The following IL34 variants were observed in gnomAD, a reference collection of about 807,000 sequenced individuals.
IL34 encodes the protein interleukin-34.
A neutral mutation model predicts 25.3 loss-of-function variants in IL34; 17 were observed. The observed-to-expected ratio is 0.67, with a 90% CI of 0.46 to 1.01. The LOEUF (loss-of-function observed/expected upper bound fraction) is 1.01. IL34 is among the 50% of genes least tolerant of loss of function. The probability of loss-of-function intolerance (pLI) is 0.00; values close to 1 mark genes in which losing one functional copy is unlikely to be tolerated. For missense variants in IL34, 368 were observed against 312.9 expected (o/e 1.18, Z -1.33); for synonymous variants, 174 against 140.9 (o/e 1.23, Z -1.66).
At chr16:70,638,467 A>G (rs80118932) in intron 1 of IL34, among the ~76,000 whole-genome samples, 4,250 of 152,150 alleles carry the variant, frequency 0.028, 241 homozygotes, top group African/African-American at 0.098. Flanking sequence ...GAAAAAAAGA[A>G]AAGAACTGGA....
chr16:70,623,974 C>T (rs945753480), intron 1 of IL34, among the ~76,000 whole-genome samples: 2 of 146,078 alleles, frequency 1.4e-5, no homozygotes, highest in Non-Finnish European at 3.0e-5. Flanking sequence ...ACGGACTTAC[C>T]TTCCACTGTG....
intron 1 of IL34, among the ~76,000 whole-genome samples, chr16:70,590,190 C>A (rs868371252): frequency 2.0e-5 from 3 of 152,152 alleles, no homozygotes; most frequent in Non-Finnish European, 2.9e-5. Flanking sequence ...TTCCTGGAGC[C>A]GTGATGGGGC....
chr16:70,648,298 G>C (rs770500022), intron 1 of IL34, among the ~76,000 whole-genome samples: 1 of 152,162 alleles, frequency 6.6e-6, no homozygotes, highest in South Asian at 2.1e-4. Context: ...GCTCACGCCC[G>C]TGATCCCAGC....
chr16:70,659,911 G>A, intron 5 of IL34, 86 bp from the exon 6 acceptor site: 1 of 1,482,984 alleles, frequency 6.7e-7, no homozygotes, highest in East Asian at 2.3e-5. Flanking sequence ...GGTAGAGTGG[G>A]GGACAAGCAC....
chr16:70,623,489 G>A (rs939685202), intron 1 of IL34, among the ~76,000 whole-genome samples: 6 of 152,172 alleles, frequency 3.9e-5, no homozygotes, highest in African/African-American at 1.4e-4. Flanking sequence ...TGTAGCAGGC[G>A]AGTGATAACA....
intron 1 of IL34, among the ~76,000 whole-genome samples, chr16:70,585,081 C>G (rs1448633493): frequency 6.6e-6 from 1 of 152,104 alleles, no homozygotes; most frequent in Non-Finnish European, 1.5e-5. Flanking sequence ...CAAACAGAAA[C>G]TCTCTATTAA....
At chr16:70,630,500 G>A (rs987240571) in intron 1 of IL34, among the ~76,000 whole-genome samples, 2 of 151,894 alleles carry the variant, frequency 1.3e-5, no homozygotes, top group Non-Finnish European at 2.9e-5. Context: ...CCAAAGTGCT[G>A]GGATTACAGG....
In IL34 at chr16:70,580,752, G is replaced by A. The variant is rs966792462; in HGVS notation, c.-401+703G>A. Among the ~76,000 whole-genome samples, 13 of 149,808 alleles carry A rather than the reference G, an allele frequency of 8.7e-5. No homozygotes were observed. The South Asian group carries it at 2.5e-3, about 29-fold the overall frequency. ...GCCGAGATCACACCACTGCACTCCA[G>A]CCTGGGTAACAGAGTGAGACTATGT... is the stretch of plus-strand genomic sequence containing the variant. On this transcript the variant is annotated intron_variant, in intron 1 of 6. Coordinates refer to the IL34 transcript ENST00000429149.
intron 3 of IL34, 73 bp downstream of exon 3, chr16:70,656,752 G>A (rs1380262528): frequency 2.6e-5 from 25 of 960,128 alleles, no homozygotes; most frequent in South Asian, 1.4e-4. Context: ...TCAGAGGCGC[G>A]CTGGGACTGG....
chr16:70,590,340 T>C (rs1403179860), intron 1 of IL34, among the ~76,000 whole-genome samples: 2 of 152,176 alleles, frequency 1.3e-5, no homozygotes, highest in Non-Finnish European at 2.9e-5. Flanking sequence ...TGATCAGAGA[T>C]GTCTGCATGA....
intron 1 of IL34, among the ~76,000 whole-genome samples, chr16:70,633,841 C>G (rs2051575395): frequency 6.6e-6 from 1 of 151,860 alleles, no homozygotes; most frequent in Non-Finnish European, 1.5e-5. Flanking sequence ...ACGTGGTCTT[C>G]TCCCTGAGTC....
chr16:70,633,303 G>C (rs1390845708), intron 1 of IL34, among the ~76,000 whole-genome samples: 1 of 151,350 alleles, frequency 6.6e-6, no homozygotes, highest in Non-Finnish European at 1.5e-5. Flanking sequence ...GCTCATGCTG[G>C]AGTGCAGTGA....
intron 1 of IL34, among the ~76,000 whole-genome samples, chr16:70,629,685 A>G (rs1480454712): frequency 6.6e-6 from 1 of 151,602 alleles, no homozygotes; most frequent in Non-Finnish European, 1.5e-5. Context: ...ATCATTGTAG[A>G]CCTCACTACA....
In IL34 at chr16:70,620,454, A is replaced by G. The variant is rs201333265; in HGVS notation, c.-400-26094A>G. 0.019 allele frequency among the ~76,000 whole-genome samples: 1,505 copies of G among 80,608 alleles called. 142 individuals are homozygous for G. In the East Asian group the frequency reaches 0.3, roughly 16 times the overall value. The allele number at this position is 80,608 out of a possible 152,430, so 52.9% of individuals were successfully genotyped here. A position where few individuals can be genotyped will look rare whatever the true frequency, so the allele number is the denominator to read the frequency against. ...GGTGTGAGGAGGGGAGGTGATAAAAAGATAGGGTGGAGGAGCGGAGGCTGA... is the reference window on the plus strand; with the variant it reads ...GGTGTGAGGAGGGGAGGTGATAAAAGGATAGGGTGGAGGAGCGGAGGCTGA... On this transcript the variant is annotated intron_variant, in intron 1 of 6. Transcript: ENST00000429149.
intron 1 of IL34, among the ~76,000 whole-genome samples, chr16:70,640,139 T>C (rs1219916494): frequency 6.6e-6 from 1 of 152,146 alleles, no homozygotes; most frequent in East Asian, 1.9e-4. Flanking sequence ...CTTTTTGTTT[T>C]GTTTTCTTTT....
intron 1 of IL34, among the ~76,000 whole-genome samples, chr16:70,635,313 G>A (rs1356069126): frequency 2.0e-5 from 3 of 152,188 alleles, no homozygotes; most frequent in African/African-American, 7.2e-5. Flanking sequence ...CTCTGCAGAG[G>A]TTTCCATCAC....
At position 70,638,819 on chromosome 16, in the gene IL34, C is replaced by T. The variant is rs140902371; in HGVS notation, c.-400-7729C>T. ...CTGGTCTCATACTCCTGGGCTCAAGCGATCCTCTTGCCTCAGCCTCCGAAA... is the reference window on the plus strand; with the variant it reads ...CTGGTCTCATACTCCTGGGCTCAAGTGATCCTCTTGCCTCAGCCTCCGAAA... On this transcript the variant is annotated intron_variant, in intron 1 of 6. Transcript: ENST00000429149. 4.5e-3 allele frequency among the ~76,000 whole-genome samples: 686 copies of T among 152,220 alleles called. 3 individuals carry two copies. The highest frequency in any genetic ancestry group is 0.016 in the African/African-American group (659 of 41,526).
intron 1 of IL34, among the ~76,000 whole-genome samples, chr16:70,632,938 A>AGACACATTTT (rs2051552122): frequency 1.3e-5 from 2 of 152,050 alleles, no homozygotes; most frequent in Non-Finnish European, 1.5e-5. Context: ...AACTTACTTA[A>AGACACATTTT]AATAAAATTC....
chr16:70,658,573 C>A (rs1428573525), intron 4 of IL34, among the ~76,000 whole-genome samples: 1 of 151,988 alleles, frequency 6.6e-6, no homozygotes. Flanking sequence ...CCTCCGTCTC[C>A]CAGGTTCAAG....
Sources: allele counts gnomAD v4.1 joint callset (sites outside exome capture counted in the v4.1 genomes callset), GRCh38; gene constraint gnomAD v4.1.1; transcripts MANE v1.5; gene names NCBI Gene and HGNC (gene_info 2026-07-23, HGNC 2026-07-21).